The following ABCD3 variants were observed in gnomAD, a reference collection of about 807,000 sequenced individuals.
The protein encoded by ABCD3 is ATP-binding cassette sub-family D member 3.
In ABCD3, 41 loss-of-function variants were observed where a neutral mutation model predicts 105.5. That is an observed-to-expected ratio of 0.39 (90% confidence interval 0.30 to 0.50). The LOEUF is 0.50. Ranked by LOEUF, ABCD3 falls within the 20% of genes least tolerant of loss-of-function variation. The pLI is 0.84. For missense variants in ABCD3, 622 were observed against 806.3 expected (o/e 0.77, Z 2.77); for synonymous variants, 258 against 269.0 (o/e 0.96, Z 0.40).
chr1:94,499,364 C>A, intron 19 of ABCD3, 131 bp from the exon 20 acceptor site: 3 of 1,104,982 alleles, frequency 2.7e-6, no homozygotes, highest in Non-Finnish European at 4.0e-6. Flanking sequence ...GTGCCACATT[C>A]TTTTCTGAAA....
chr1:94,387,650 C>G, the ABCD3 span, among the ~76,000 whole-genome samples: 1 of 152,160 alleles, frequency 6.6e-6, no homozygotes, highest in Non-Finnish European at 1.5e-5. Context: ...TAGGATCAGG[C>G]ATTCATAAAA....
chr1:94,472,313 T>A, intron 4 of ABCD3: 1 of 670,474 alleles, frequency 1.5e-6, no homozygotes, highest in Non-Finnish European at 1.8e-6. Context: ...GCACTTTGGT[T>A]TTAAGTAAGG....
chr1:94,389,076 G>T, the ABCD3 span, among the ~76,000 whole-genome samples: 124 of 152,276 alleles, frequency 8.1e-4, no homozygotes, highest in South Asian at 8.5e-3. Flanking sequence ...CTTCCTATTG[G>T]TATCGCACAC....
At chr1:94,472,349 A>G in intron 4 of ABCD3, 1 of 293,708 alleles carries the variant, frequency 3.4e-6, no homozygotes, top group South Asian at 1.3e-4. Context: ...TTTAACATAA[A>G]TTCTCTGAAC....
chr1:94,450,861 ATGGGTTTCACTTTTTTCAAG>A (rs1647220886), intron 1 of ABCD3, among the ~76,000 whole-genome samples: 1 of 152,154 alleles, frequency 6.6e-6, no homozygotes, highest in Non-Finnish European at 1.5e-5. Context: ...AACTTTTAAC[ATGGGTTTCACTTTTTTCAAG>A]TCTAAACATC....
intron 1 of ABCD3, among the ~76,000 whole-genome samples, chr1:94,435,534 A>G (rs1236634638): frequency 1.3e-5 from 2 of 152,296 alleles, no homozygotes; most frequent in East Asian, 3.9e-4. Flanking sequence ...CTGTCTTGCA[A>G]AAAAGAGAGT....
chr1:94,473,555 A>G (rs965048054), intron 4 of ABCD3, among the ~76,000 whole-genome samples: 3 of 152,072 alleles, frequency 2.0e-5, no homozygotes, highest in Admixed American at 1.3e-4. Flanking sequence ...TAATTTTGCC[A>G]TTTGCAGGAT....
At chr1:94,462,626 A>C (rs1647933643) in intron 2 of ABCD3, among the ~76,000 whole-genome samples, 1 of 152,214 alleles carries the variant, frequency 6.6e-6, no homozygotes, top group South Asian at 2.1e-4. Context: ...CTAATATTTT[A>C]AAGTGTTTCA....
chr1:94,398,727 T>A, the ABCD3 span, among the ~76,000 whole-genome samples: 1 of 152,072 alleles, frequency 6.6e-6, no homozygotes, highest in East Asian at 1.9e-4. Context: ...GCCTGACCAA[T>A]ATGGTAAAAC....
At chr1:94,401,338 G>A in the ABCD3 span, among the ~76,000 whole-genome samples, 3 of 152,214 alleles carry the variant, frequency 2.0e-5, no homozygotes, top group South Asian at 4.1e-4. Context: ...TTTCCAATAC[G>A]GAATGGTGCC....
At chr1:94,399,672 A>G in the ABCD3 span, among the ~76,000 whole-genome samples, 363 of 152,296 alleles carry the variant, frequency 2.4e-3, no homozygotes, top group Non-Finnish European at 4.1e-3. Flanking sequence ...TCAATCTGCA[A>G]CCCAAATATG....
chr1:94,476,043 C>T (rs1306293695), intron 7 of ABCD3, among the ~76,000 whole-genome samples: 1 of 152,114 alleles, frequency 6.6e-6, no homozygotes, highest in Non-Finnish European at 1.5e-5. Context: ...TGCATCCGGC[C>T]ATTGTTAGAG....
intron 10 of ABCD3, among the ~76,000 whole-genome samples, chr1:94,484,361 A>T (rs1437831395): frequency 2.6e-5 from 4 of 152,228 alleles, no homozygotes; most frequent in Admixed American, 6.5e-5. Context: ...GGCACTATTC[A>T]CAATAGCAAA....
At chr1:94,494,726 C>A (rs1278893656) in intron 16 of ABCD3, among the ~76,000 whole-genome samples, 1 of 152,126 alleles carries the variant, frequency 6.6e-6, no homozygotes, top group South Asian at 2.1e-4. Flanking sequence ...ATTATAAACT[C>A]CCCAGTACAG....
Position 94,451,537 on chromosome 1 carries a change from AT to A in ABCD3, c.111-7065del, listed in dbSNP as rs570555236. 1.4e-4 allele frequency among the ~76,000 whole-genome samples: 21 copies of A among 152,246 alleles called. No individual in the cohort carries two copies. The South Asian group carries it at 4.1e-3, about 30-fold the overall frequency. On this transcript the variant is annotated intron_variant, in intron 1 of 22. Coordinates refer to ENST00000370214, the MANE Select transcript of ABCD3 (RefSeq NM_002858.4). ...ACAACACTCACGTTTCAGATTTTAT[AT>A]TTTTGTTTCCCAAAGGATTTATATC... is the stretch of plus-strand genomic sequence containing the variant.
chr1:94,515,307 A>T (rs568005541), intron 22 of ABCD3, 105 bp downstream of exon 22: 87 of 930,050 alleles, frequency 9.4e-5, no homozygotes, highest in Middle Eastern at 2.7e-4. Context: ...TCCCTTAAAC[A>T]TATGTCTTAA....
intron 16 of ABCD3, among the ~76,000 whole-genome samples, chr1:94,492,571 T>C (rs1236229210): frequency 6.6e-6 from 1 of 152,170 alleles, no homozygotes; most frequent in Non-Finnish European, 1.5e-5. Flanking sequence ...CAGAAGTGTT[T>C]TCTCACATAG....
the ABCD3 span, among the ~76,000 whole-genome samples, chr1:94,397,205 T>A: frequency 2.6e-5 from 4 of 152,336 alleles, no homozygotes; most frequent in South Asian, 6.2e-4. Context: ...CTTCCCCTAA[T>A]GTTACCATTG....
the ABCD3 span, among the ~76,000 whole-genome samples, chr1:94,393,656 A>AAAAG: frequency 6.6e-6 from 1 of 152,046 alleles, no homozygotes; most frequent in Admixed American, 6.5e-5. Flanking sequence ...GAAAGAAAAG[A>AAAAG]AAAGAAAGAA....
Sources: allele counts gnomAD v4.1 joint callset (sites outside exome capture counted in the v4.1 genomes callset), GRCh38; gene constraint gnomAD v4.1.1; transcripts MANE v1.5; gene names NCBI Gene and HGNC (gene_info 2026-07-23, HGNC 2026-07-21).